Variants in FGFR2 observed in about 807,000 individuals in gnomAD.
The protein encoded by FGFR2 is BEK fibroblast growth factor receptor.
FGFR2 carries 19 observed loss-of-function variants against 95.9 expected under a neutral mutation model. That is an observed-to-expected ratio of 0.20 (90% CI 0.14 to 0.29). FGFR2 has a LOEUF of 0.29. Among genes scored for constraint, FGFR2 ranks in the 10% least tolerant of loss-of-function variants. The pLI is 1.00. For synonymous variants in FGFR2, 392 were observed against 393.3 expected (o/e 1.00, Z 0.04); for missense variants, 707 against 1,056.9 (o/e 0.67, Z 4.59).
In FGFR2 at chr10:121,517,535, C is replaced by T. The variant is rs547573618; in HGVS notation, c.940-72G>A. ...GATTGTGGAGGGGGCTGTGGAACCA[C>T]AAGGCGTCGCACCGGGGGCTTCAGG... On this transcript the variant is annotated intron_variant, in intron 7 of 17. Coordinates refer to ENST00000358487, the MANE Select transcript of FGFR2 (RefSeq NM_000141.5). The surrounding 1 kb of genome is among the most constrained non-coding windows in gnomAD (Gnocchi z 4.7). 271 of 1,589,464 alleles carry T rather than the reference C, an allele frequency of 1.7e-4. 5 individuals carry two copies. The South Asian group carries it at 2.7e-3, about 16-fold the overall frequency.
chr10:121,513,433 C>T (rs1849308391), intron 9 of FGFR2, among the ~76,000 whole-genome samples: 1 of 152,148 alleles, frequency 6.6e-6, no homozygotes, highest in African/African-American at 2.4e-5. Context: ...TTAAGGGCAT[C>T]TTACCCTTCT....
intron 13 of FGFR2, among the ~76,000 whole-genome samples, chr10:121,493,482 T>C (rs547789199): frequency 4.7e-4 from 71 of 152,260 alleles, no homozygotes; most frequent in African/African-American, 1.7e-3. Context: ...GAGGCTCTAC[T>C]ACCTGCCCCC....
intron 16 of FGFR2, among the ~76,000 whole-genome samples, chr10:121,484,436 A>G (rs1366853392): frequency 6.6e-6 from 1 of 152,224 alleles, no homozygotes; most frequent in Non-Finnish European, 1.5e-5. Context: ...GAAAAAAAAC[A>G]ATAGGAATGA....
At chr10:121,527,418 G>A (rs1046139923) in intron 6 of FGFR2, among the ~76,000 whole-genome samples, 3 of 152,256 alleles carry the variant, frequency 2.0e-5, no homozygotes, top group East Asian at 1.9e-4. Flanking sequence ...CCAAATTTAC[G>A]TTCGAAATTG....
chr10:121,541,215 C>T (rs1853692773), intron 5 of FGFR2, among the ~76,000 whole-genome samples: 1 of 152,090 alleles, frequency 6.6e-6, no homozygotes, highest in Non-Finnish European at 1.5e-5. Flanking sequence ...TCAATATTGC[C>T]CCATGCAGTG....
intron 9 of FGFR2, among the ~76,000 whole-genome samples, chr10:121,507,981 T>C (rs1201491718): frequency 6.6e-6 from 1 of 152,176 alleles, no homozygotes; most frequent in Non-Finnish European, 1.5e-5. Flanking sequence ...CAATACAGTA[T>C]AACAACTATT....
intron 15 of FGFR2, among the ~76,000 whole-genome samples, chr10:121,486,511 A>G (rs1328029307): frequency 6.6e-6 from 1 of 152,112 alleles, no homozygotes; most frequent in Non-Finnish European, 1.5e-5. Flanking sequence ...GCACAATCTC[A>G]GCTCACTGCA....
intron 2 of FGFR2, among the ~76,000 whole-genome samples, chr10:121,575,324 C>A (rs984329333): frequency 2.8e-4 from 42 of 152,310 alleles, no homozygotes; most frequent in African/African-American, 8.9e-4. Context: ...GAAATCCGCA[C>A]TCCCTGTTTT....
At chr10:121,566,868 G>A (rs1331045011) in intron 2 of FGFR2, among the ~76,000 whole-genome samples, 1 of 152,010 alleles carries the variant, frequency 6.6e-6, no homozygotes, top group African/African-American at 2.4e-5. Flanking sequence ...ATGCAGCACG[G>A]GATTGGACCC....
intron 9 of FGFR2, among the ~76,000 whole-genome samples, chr10:121,508,897 G>A (rs1260643280): frequency 1.3e-5 from 2 of 152,152 alleles, no homozygotes; most frequent in East Asian, 1.9e-4. Context: ...TATAAAATAC[G>A]GCTGGCTTTC....
At chr10:121,580,964 C>A (rs186791237) in intron 2 of FGFR2, among the ~76,000 whole-genome samples, 156 of 152,278 alleles carry the variant, frequency 1.0e-3, no homozygotes, top group African/African-American at 3.7e-3. Context: ...ATCCCCCAGG[C>A]GAGGCACCTG....
intron 6 of FGFR2, among the ~76,000 whole-genome samples, chr10:121,522,912 T>G (rs1850761479): frequency 6.6e-6 from 1 of 152,216 alleles, no homozygotes; most frequent in African/African-American, 2.4e-5. Flanking sequence ...GTCTCTGCAC[T>G]GTACCTGAGA....
intron 2 of FGFR2, among the ~76,000 whole-genome samples, chr10:121,568,866 C>A (rs554406681): frequency 6.6e-6 from 1 of 152,254 alleles, no homozygotes; most frequent in East Asian, 1.9e-4. Flanking sequence ...CAGCGAGGAC[C>A]TGTGTCTTAT....
intron 9 of FGFR2, among the ~76,000 whole-genome samples, chr10:121,505,459 T>C (rs771213289): frequency 5.7e-4 from 87 of 152,196 alleles, no homozygotes; most frequent in Non-Finnish European, 1.1e-3. Context: ...ATGAGCAACA[T>C]TTATTCATTG....
chr10:121,500,377 C>T (rs559167037), intron 11 of FGFR2, among the ~76,000 whole-genome samples: 8 of 152,250 alleles, frequency 5.3e-5, no homozygotes, highest in African/African-American at 1.4e-4. Flanking sequence ...TTGTTCCTCA[C>T]GCAAAAGAGA....
rs1487262924 is a variant in FGFR2 at position 121,529,128 on chromosome 10, A to G, written c.749-8959T>C. ...TTTTAATTTTTTTTGTTTGTTTTTG[A>G]GAAGGAGTCTCACTCTGTCACCCAG... On this transcript the variant is annotated intron_variant, in intron 6 of 17. Transcript: ENST00000358487. Among the ~76,000 whole-genome samples the G allele has an allele frequency of 2.0e-5, 3 of 152,030 alleles. 1 individual carries two copies. The highest frequency in any genetic ancestry group is 4.4e-5 in the Non-Finnish European group (3 of 68,008).
intron 9 of FGFR2, among the ~76,000 whole-genome samples, chr10:121,514,767 C>T (rs1778702675): frequency 6.6e-6 from 1 of 152,204 alleles, no homozygotes; most frequent in South Asian, 2.1e-4. Context: ...TATTAGATCA[C>T]AGGACACGAA....
intron 6 of FGFR2, among the ~76,000 whole-genome samples, chr10:121,535,852 G>A (rs879232640): frequency 2.6e-5 from 4 of 152,060 alleles, no homozygotes; most frequent in African/African-American, 9.7e-5. Context: ...TAAATTACAC[G>A]GCTTTTACAT....
intron 13 of FGFR2, among the ~76,000 whole-genome samples, chr10:121,491,938 G>T (rs1399410516): frequency 6.6e-6 from 1 of 151,280 alleles, no homozygotes; most frequent in Non-Finnish European, 1.5e-5. Flanking sequence ...CAGCACTTTG[G>T]GAGGCTGAGG....
Sources: gnomAD v4.1 joint callset for allele counts (sites outside exome capture counted in the v4.1 genomes callset) on GRCh38, gnomAD v4.1.1 for gene constraint, Gnocchi (gnomAD v3.1) non-coding constraint, MANE v1.5 for transcripts, NCBI Gene and HGNC (gene_info 2026-07-23, HGNC 2026-07-21) for gene names.